The following CCDC178 variants were observed in gnomAD, a reference collection of about 807,000 sequenced individuals.
CCDC178 encodes the protein coiled-coil domain containing 178.
In CCDC178, 126 loss-of-function variants were observed where a neutral mutation model predicts 117.4. The ratio of observed to expected loss-of-function variants is 1.07; its 90% CI spans 0.93 to 1.24. CCDC178 has a LOEUF of 1.24. Among genes scored for constraint, CCDC178 ranks in the 50% most tolerant of loss-of-function variants. CCDC178 has a pLI of 0.00. For synonymous variants in CCDC178, 283 were observed against 313.4 expected, an observed-to-expected ratio of 0.90 and a Z score of 1.02; for missense variants, 1,030 against 986.9, an observed-to-expected ratio of 1.04 and a Z score of -0.59.
At chr18:33,205,042 A>C (rs1423195165) in intron 20 of CCDC178, among the ~76,000 whole-genome samples, 2 of 152,106 alleles carry the variant, frequency 1.3e-5, no homozygotes, top group African/African-American at 4.8e-5. Context: ...TAATTAATAC[A>C]AAATAGATTT....
At chr18:33,093,747 C>T (rs1303632609) in intron 20 of CCDC178, among the ~76,000 whole-genome samples, 1 of 151,646 alleles carries the variant, frequency 6.6e-6, no homozygotes, top group Non-Finnish European at 1.5e-5. Flanking sequence ...TTATCAATAG[C>T]TCTAAATATT....
intron 21 of CCDC178, among the ~76,000 whole-genome samples, chr18:33,000,013 A>G (rs2055599306): frequency 1.3e-5 from 2 of 152,166 alleles, no homozygotes; most frequent in East Asian, 1.9e-4. Context: ...CTAAGGGACC[A>G]TTCCTGGAGA....
intron 20 of CCDC178, among the ~76,000 whole-genome samples, chr18:33,187,210 T>C (rs1272027265): frequency 6.6e-6 from 1 of 151,910 alleles, no homozygotes; most frequent in Admixed American, 6.6e-5. Flanking sequence ...ACCAACCCCA[T>C]GATCCATCAT....
At chr18:33,432,493 ACACACAC>A (rs1224020411) in intron 2 of CCDC178, among the ~76,000 whole-genome samples, 15 of 148,450 alleles carry the variant, frequency 1.0e-4, no homozygotes, top group African/African-American at 3.6e-4. Context: ...ACACACACAC[ACACACAC>A]ACACACACAC....
At chr18:33,117,669 T>A (rs2057877304) in intron 20 of CCDC178, among the ~76,000 whole-genome samples, 1 of 151,598 alleles carries the variant, frequency 6.6e-6, no homozygotes, top group African/African-American at 2.4e-5. Flanking sequence ...CATGTATACA[T>A]ATGTAACAAA....
intron 20 of CCDC178, among the ~76,000 whole-genome samples, chr18:33,140,275 T>C (rs1173734687): frequency 6.6e-6 from 1 of 152,042 alleles, no homozygotes; most frequent in Non-Finnish European, 1.5e-5. Flanking sequence ...TACTGGGGCA[T>C]CACCTAGTGG....
At chr18:33,309,891 A>C (rs1237632808) in intron 11 of CCDC178, among the ~76,000 whole-genome samples, 1 of 151,900 alleles carries the variant, frequency 6.6e-6, no homozygotes, top group Non-Finnish European at 1.5e-5. Context: ...TATATGGTAA[A>C]TATTTGTCCA....
intron 21 of CCDC178, among the ~76,000 whole-genome samples, chr18:33,015,335 C>A (rs909977018): frequency 6.6e-6 from 1 of 151,470 alleles, no homozygotes; most frequent in Admixed American, 6.6e-5. Context: ...GAGGCCAAGG[C>A]GGGGCAGATC....
intron 21 of CCDC178, among the ~76,000 whole-genome samples, chr18:33,013,228 T>C (rs2055910108): frequency 1.3e-5 from 2 of 152,152 alleles, no homozygotes; most frequent in African/African-American, 4.8e-5. Context: ...CACATTTCTT[T>C]CACCTGCTTC....
intron 20 of CCDC178, among the ~76,000 whole-genome samples, chr18:33,210,032 C>T (rs1246612102): frequency 1.3e-5 from 2 of 151,990 alleles, no homozygotes; most frequent in Non-Finnish European, 2.9e-5. Context: ...GGAGTTTGAA[C>T]AGTATTTCTG....
intron 20 of CCDC178, among the ~76,000 whole-genome samples, chr18:33,108,248 T>C (rs1246841195): frequency 6.6e-6 from 1 of 151,724 alleles, no homozygotes; most frequent in African/African-American, 2.4e-5. Context: ...TTGCTTATTT[T>C]ACTGTGTAAA....
At chr18:33,017,430 CTAAT>C (rs2056015561) in intron 21 of CCDC178, among the ~76,000 whole-genome samples, 1 of 151,742 alleles carries the variant, frequency 6.6e-6, no homozygotes. Flanking sequence ...ACTGTTGAAA[CTAAT>C]TAAAGAAGGC....
chr18:33,258,678 G>A (rs891747792), intron 14 of CCDC178, among the ~76,000 whole-genome samples: 1 of 152,114 alleles, frequency 6.6e-6, no homozygotes, highest in African/African-American at 2.4e-5. Flanking sequence ...CAGGTGCTCA[G>A]GACATACAAA....
At chr18:33,081,762 TCTAAACA>T (rs1373004317) in intron 21 of CCDC178, among the ~76,000 whole-genome samples, 1 of 152,172 alleles carries the variant, frequency 6.6e-6, no homozygotes, top group African/African-American at 2.4e-5. Flanking sequence ...CTCACAAAAT[TCTAAACA>T]CTATAGCCAC....
intron 9 of CCDC178, among the ~76,000 whole-genome samples, chr18:33,342,876 G>C (rs996974411): frequency 2.6e-5 from 4 of 152,160 alleles, no homozygotes; most frequent in Admixed American, 2.6e-4. Flanking sequence ...AAAACAAAAT[G>C]GAAGATTTAA....
chr18:33,346,320 G>C lies in CCDC178; in HGVS notation c.549C>G (p.Asp183Glu), dbSNP rs35283321. ...TCTGTTGTTTTAAAGCTTCTTCAGC[G>C]TCTGCCCGGTCAGTTTCTAGACTTT... ...LIKSLETDRA[D>E]AEEALKQQRS... Residue 183 changes from aspartate (D) to glutamate (E), a missense_variant, in exon 9 of 23, where the codon GAC (aspartate) becomes GAG (glutamate). Asp to Glu is a conservative substitution (Grantham distance 45). Transcript: ENST00000383096. 3.9e-4 allele frequency: 624 copies of C among 1,612,984 alleles called. 6 individuals are homozygous for C. In the African/African-American group the frequency reaches 7.5e-3, roughly 19 times the overall value.
intron 10 of CCDC178, among the ~76,000 whole-genome samples, chr18:33,330,019 T>C (rs1490529010): frequency 6.6e-6 from 1 of 150,714 alleles, no homozygotes; most frequent in Non-Finnish European, 1.5e-5. Flanking sequence ...TTACTTGTTA[T>C]ACACCTGCTC....
At chr18:33,064,195 G>A (rs1366289460) in intron 21 of CCDC178, among the ~76,000 whole-genome samples, 1 of 152,088 alleles carries the variant, frequency 6.6e-6, no homozygotes, top group Non-Finnish European at 1.5e-5. Flanking sequence ...CCATAGTAGA[G>A]CCCAAGAAAA....
chr18:33,088,521 T>C (rs975826217), intron 21 of CCDC178, among the ~76,000 whole-genome samples: 4 of 151,838 alleles, frequency 2.6e-5, no homozygotes, highest in African/African-American at 9.7e-5. Context: ...TAAATTCACT[T>C]TATTTGTGTG....
Sources: gnomAD v4.1 joint callset for allele counts (sites outside exome capture counted in the v4.1 genomes callset) on GRCh38, gnomAD v4.1.1 for gene constraint, MANE v1.5 for transcripts, NCBI Gene and HGNC (gene_info 2026-07-23, HGNC 2026-07-21) for gene names.